CTLA4: variants seen among roughly 807,000 people sequenced by gnomAD.
The protein encoded by CTLA4 is cytotoxic T-lymphocyte protein 4.
CTLA4 carries 3 observed loss-of-function variants against 20.4 expected under a neutral mutation model. That is an observed-to-expected ratio of 0.15 (90% CI 0.07 to 0.38). The LOEUF (loss-of-function observed/expected upper bound fraction) is 0.38, where lower values mean the gene tolerates loss of function less well. CTLA4 is among the 10% of genes least tolerant of loss of function. The probability of loss-of-function intolerance (pLI) is 1.00; values close to 1 mark genes in which losing one functional copy is unlikely to be tolerated. For synonymous variants in CTLA4, 100 were observed against 105.2 expected, an observed-to-expected ratio of 0.95 and a Z score of 0.30; for missense variants, 184 against 276.8, an observed-to-expected ratio of 0.66 and a Z score of 2.38.
rs368427057 is a variant in CTLA4 at position 203,870,945 on chromosome 2, C to A, written c.457+12C>A. ...GATTTATGTAATTGGTGAGCAAAGC[C>A]ATTTCACTGAGTTGACACCTGTTGC... is the stretch of plus-strand genomic sequence containing the variant. On this transcript the variant is annotated intron_variant, in intron 2 of 3. Transcript: ENST00000648405. This position sits in a 1 kb window ranked among gnomAD's most constrained non-coding sequence, Gnocchi z 5.3. The A allele has an allele frequency of 1.2e-6, 2 of 1,603,348 alleles. No individual in the cohort carries two copies. Among genetic ancestry groups the A allele is most frequent in the Admixed American group, 1.7e-5 (1 of 59,702 alleles).
chr2:203,870,561 G>C lies in CTLA4; in HGVS notation c.110-25G>C, dbSNP rs1265517280. On this transcript the variant is annotated intron_variant, in intron 1 of 3. Coordinates refer to ENST00000648405, the MANE Select transcript of CTLA4 (RefSeq NM_005214.5). This position sits in a 1 kb window ranked among gnomAD's most constrained non-coding sequence, Gnocchi z 5.3. ...CCATGAAGGAGCATGAGTTCACTGA[G>C]TTCCCTTTGGCTTTTCCATGCTAGC... is the stretch of plus-strand genomic sequence containing the variant. The C allele has an allele frequency of 6.2e-7, 1 of 1,606,594 alleles. No individual in the cohort carries two copies. The highest frequency in any genetic ancestry group is 8.5e-7 in the Non-Finnish European group (1 of 1,174,760).
intron 1 of CTLA4, among the ~76,000 whole-genome samples, chr2:203,869,764 C>T (rs231779): frequency 0.41 from 62,286 of 151,892 alleles, 13,184 homozygotes; most frequent in East Asian, 0.64. Flanking sequence ...TTGATGCAAG[C>T]CTCTCTGTAT....
rs1688779531 is a variant in CTLA4, at chr2:203,873,722, A to G, written c.*910A>G. The G allele has an allele frequency of 4.5e-6, 1 of 223,140 alleles. No homozygotes were observed. Among genetic ancestry groups the G allele is most frequent in the South Asian group, 1.8e-4 (1 of 5,440 alleles). 13.8% of individuals were successfully genotyped at this position (223,140 alleles called of 1,614,324 possible). On this transcript the variant is annotated 3_prime_UTR_variant, in exon 4 of 4. Transcript: ENST00000648405. Reference sequence around the variant, plus strand: ...TTGACAGAACACTGTCTTGAAGACAATGGCTTACTCCAGGAGACCCACAGG... The same window carrying G: ...TTGACAGAACACTGTCTTGAAGACAGTGGCTTACTCCAGGAGACCCACAGG...
chr2:203,869,348 G>A (rs1688686405), intron 1 of CTLA4, among the ~76,000 whole-genome samples: 1 of 152,350 alleles, frequency 6.6e-6, no homozygotes, highest in East Asian at 1.9e-4. Context: ...TCTCTGATAG[G>A]CAGAGGTGAG....
chr2:203,869,230 T>C (rs1688684764), intron 1 of CTLA4, among the ~76,000 whole-genome samples: 1 of 152,134 alleles, frequency 6.6e-6, no homozygotes, highest in African/African-American at 2.4e-5. Context: ...GAACCACAAG[T>C]AAAAGAGTGA....
intron 1 of CTLA4, among the ~76,000 whole-genome samples, chr2:203,868,648 GA>G (rs1688673332): frequency 6.6e-6 from 1 of 151,118 alleles, no homozygotes; most frequent in Non-Finnish European, 1.5e-5. Flanking sequence ...ATAAAAGTTT[GA>G]AATTGCCAAA....
rs145950656 is a variant in CTLA4, at chr2:203,868,029, C to T, written c.87C>T (p.Leu29=). 29 of 1,613,514 alleles carry T rather than the reference C, an allele frequency of 1.8e-5. No homozygotes were observed. Among genetic ancestry groups the T allele is most frequent in the Non-Finnish European group, 2.2e-5 (26 of 1,179,538 alleles). Reference sequence around the variant, plus strand: ...CCTGCACTCTCCTGTTTTTTCTTCTCTTCATCCCTGTCTTCTGCAAAGGTG... The same window carrying T: ...CCTGCACTCTCCTGTTTTTTCTTCTTTTCATCCCTGTCTTCTGCAAAGGTG... ...TWPCTLLFFL[L]FIPVFCKAMH... Residue 29 remains leucine, a synonymous_variant, in exon 1 of 4, where the codon CTC becomes CTT. Transcript: ENST00000648405.
rs1222176969 is a variant in CTLA4 at position 203,873,061 on chromosome 2, A to G, written c.*249A>G. On this transcript the variant is annotated 3_prime_UTR_variant, in exon 4 of 4. Coordinates refer to ENST00000648405, the MANE Select transcript of CTLA4 (RefSeq NM_005214.5). ...AGTGAAAGCATCACTTGGGATTAAT[A>G]TGGGGATGCAGCATTATGATGTGGG... 4 of 581,632 alleles carry G rather than the reference A, an allele frequency of 6.9e-6. No homozygotes were observed. The highest frequency in any genetic ancestry group is 2.3e-5 in the South Asian group (1 of 43,626). 36.0% of individuals were successfully genotyped at this position (581,632 alleles called of 1,614,324 possible).
chr2:203,868,114 T>C, intron 1 of CTLA4, 63 bp downstream of exon 1: 1 of 1,299,520 alleles, frequency 7.7e-7, no homozygotes, highest in Non-Finnish European at 1.1e-6. Flanking sequence ...GTTTCATTTG[T>C]TTCAGCAGTC....
At position 203,873,345 on chromosome 2, in the gene CTLA4, T is replaced by TATATATATATATAC. The variant is rs1688770343; in HGVS notation, c.*546_*547insCATATATATATATA. 1.2e-4 allele frequency: 1 copy of TATATATATATATAC among 8,116 alleles called. No individual in the cohort carries two copies. Among genetic ancestry groups the TATATATATATATAC allele is most frequent in the Non-Finnish European group, 2.9e-4 (1 of 3,480 alleles). 0.5% of individuals were successfully genotyped at this position (8,116 alleles called of 1,614,324 possible). A position where few individuals can be genotyped will look rare whatever the true frequency, so the allele number is the denominator to read the frequency against. ...ATATATACATATATATATATATATATATATATATATATATATATATATATA... is the reference window on the plus strand; with the variant it reads ...ATATATACATATATATATATATATATATATATATATATACATATATATATATATATATATATATA... On this transcript the variant is annotated 3_prime_UTR_variant, in exon 4 of 4. Transcript: ENST00000648405.
chr2:203,871,837 T>G (rs1157336021), intron 3 of CTLA4, among the ~76,000 whole-genome samples: 2 of 152,242 alleles, frequency 1.3e-5, no homozygotes, highest in Non-Finnish European at 1.5e-5. Flanking sequence ...CTGGGCAGAA[T>G]GCTGCTAGAG....
chr2:203,869,415 A>G (rs1176928240), intron 1 of CTLA4, among the ~76,000 whole-genome samples: 2 of 152,180 alleles, frequency 1.3e-5, no homozygotes, highest in African/African-American at 4.8e-5. Flanking sequence ...AGACATGACA[A>G]TGGCTGCTGC....
At chr2:203,869,553 A>G (rs777367215) in intron 1 of CTLA4, among the ~76,000 whole-genome samples, 46 of 152,180 alleles carry the variant, frequency 3.0e-4, no homozygotes, top group Admixed American at 5.2e-4. Flanking sequence ...AGAGTGATAG[A>G]TTGGAATTGG....
rs1688719406 is a variant in CTLA4, at chr2:203,870,943, G to A, written c.457+10G>A. 4 of 1,606,014 alleles carry A rather than the reference G, an allele frequency of 2.5e-6. No homozygotes were observed. The African/African-American group carries it at 5.4e-5, about 21-fold the overall frequency. On this transcript the variant is annotated intron_variant, in intron 2 of 3. Coordinates refer to ENST00000648405, the MANE Select transcript of CTLA4 (RefSeq NM_005214.5). This position sits in a 1 kb window ranked among gnomAD's most constrained non-coding sequence, Gnocchi z 5.3. ...CAGATTTATGTAATTGGTGAGCAAAGCCATTTCACTGAGTTGACACCTGTT... is the reference window on the plus strand; with the variant it reads ...CAGATTTATGTAATTGGTGAGCAAAACCATTTCACTGAGTTGACACCTGTT...
chr2:203,873,425 G>C lies in CTLA4; in HGVS notation c.*613G>C, dbSNP rs1272195728. 1 of 218,966 alleles carries C rather than the reference G, an allele frequency of 4.6e-6. No homozygotes were observed. The allele number at this position is 218,966 out of a possible 1,614,324, so 13.6% of individuals were successfully genotyped here. A position where few individuals can be genotyped will look rare whatever the true frequency, so the allele number is the denominator to read the frequency against. ...TGTGCATAGAGCCACGTATGTTTTT[G>C]TGTATTTGTTAATGGTTTGAATATA... On this transcript the variant is annotated 3_prime_UTR_variant, in exon 4 of 4. Transcript: ENST00000648405.
intron 2 of CTLA4, 83 bp downstream of exon 2, chr2:203,871,016 GGA>G: frequency 7.0e-6 from 8 of 1,141,514 alleles, no homozygotes; most frequent in Non-Finnish European, 1.0e-5. Context: ...CTTAATTTCA[GGA>G]GGTTTACTTT....
In CTLA4 at chr2:203,870,930, A is replaced by G; in HGVS notation, c.454A>G (p.Ile152Val). 6.2e-7 allele frequency: 1 copy of G among 1,611,228 alleles called. No individual in the cohort carries two copies. Among genetic ancestry groups the G allele is most frequent in the Non-Finnish European group, 8.5e-7 (1 of 1,177,746 alleles). Reference sequence around the variant, plus strand: ...AGGCAACGGAACCCAGATTTATGTAATTGGTGAGCAAAGCCATTTCACTGA... The same window carrying G: ...AGGCAACGGAACCCAGATTTATGTAGTTGGTGAGCAAAGCCATTTCACTGA... ...GIGNGTQIYV[I>V]DPEPCPDSDF... The change falls in exon 2 of 4, where the codon ATT becomes GTT. Residue 152 changes from isoleucine to valine, a missense_variant. Coordinates refer to ENST00000648405, the MANE Select transcript of CTLA4 (RefSeq NM_005214.5). The surrounding 1 kb of genome is among the most constrained non-coding windows in gnomAD (Gnocchi z 5.3).
In CTLA4 at chr2:203,870,230, T is replaced by G; in HGVS notation, c.110-356T>G. 3.3e-6 allele frequency: 1 copy of G among 306,554 alleles called. No homozygotes were observed. Among genetic ancestry groups the G allele is most frequent in the East Asian group, 7.4e-5 (1 of 13,594 alleles). The allele number at this position is 306,554 out of a possible 1,614,324, so 19.0% of individuals were successfully genotyped here. A position where few individuals can be genotyped will look rare whatever the true frequency, so the allele number is the denominator to read the frequency against. Reference sequence around the variant, plus strand: ...CAGAGAACATATCATCTCATCTAATTATCTCTTACTATATGTGAAAAAAAT... The same window carrying G: ...CAGAGAACATATCATCTCATCTAATGATCTCTTACTATATGTGAAAAAAAT... On this transcript the variant is annotated intron_variant, in intron 1 of 3. Transcript: ENST00000648405. This position sits in a 1 kb window ranked among gnomAD's most constrained non-coding sequence, Gnocchi z 5.3.
intron 1 of CTLA4, among the ~76,000 whole-genome samples, chr2:203,868,865 T>C (rs231777): frequency 0.83 from 126,990 of 152,170 alleles, 53,168 homozygotes; most frequent in South Asian, 0.93. Flanking sequence ...ACCTTCTTGG[T>C]TAAGAAACCA....
Sources: gnomAD v4.1 joint callset for allele counts (sites outside exome capture counted in the v4.1 genomes callset) on GRCh38, gnomAD v4.1.1 for gene constraint, Gnocchi (gnomAD v3.1) non-coding constraint, MANE v1.5 for transcripts, NCBI Gene and HGNC (gene_info 2026-07-23, HGNC 2026-07-21) for gene names.